The following SAFB2 variants were observed in gnomAD, a reference collection of about 807,000 sequenced individuals.
SAFB2 encodes the protein scaffold attachment factor B2.
Under a neutral mutation model 100.6 loss-of-function variants are expected in SAFB2, and 32 were observed. The observed-to-expected ratio is 0.32, with a 90% CI of 0.24 to 0.43. The LOEUF is 0.43. Ranked by LOEUF, SAFB2 falls within the 20% of genes least tolerant of loss-of-function variation. The pLI, the probability that SAFB2 is intolerant of heterozygous loss-of-function variation, is 1.00. For missense variants in SAFB2, 1,185 were observed against 1,163.4 expected (o/e 1.02, Z -0.27); for synonymous variants, 500 against 439.4 (o/e 1.14, Z -1.72).
At position 5,621,362 on chromosome 19, in the gene SAFB2, AT is replaced by A; in HGVS notation, c.220del (p.Ile74LeufsTer5). 6.2e-7 allele frequency: 1 copy of A among 1,613,878 alleles called. No individual in the cohort carries two copies. On this transcript the variant is annotated frameshift_variant, in exon 2 of 21. Transcript: ENST00000252542. LOFTEE classifies it high-confidence loss of function. ...GCTGGTGGCTTCTAACTCGATGCCA[AT>A]TTCATCAGGATCTTGCCCCTCTTCT... is the stretch of plus-strand genomic sequence containing the variant. ...VKEEGQDPDE[I>X]GIELEATSKK...
intron 15 of SAFB2, among the ~76,000 whole-genome samples, chr19:5,593,333 G>A (rs552923808): frequency 6.6e-6 from 1 of 152,326 alleles, no homozygotes; most frequent in East Asian, 1.9e-4. Flanking sequence ...ACACAGCTCT[G>A]GACGGCATCC....
At chr19:5,603,861 G>A (rs1182709439) in intron 11 of SAFB2, among the ~76,000 whole-genome samples, 1 of 152,226 alleles carries the variant, frequency 6.6e-6, no homozygotes, top group Admixed American at 6.5e-5. Context: ...TTTGGATGAT[G>A]CTTTATCTTT....
chr19:5,587,399 C>T lies in SAFB2; in HGVS notation c.2706G>A (p.Gly902=). ...GTCCACCTTGTGCAAAGCCGCCTCG[C>T]CTAGGAACAAAGTCAGACAATTTTT... ...GHMASRGGVA[G]RGGFAQGGHS... The change falls in exon 21 of 21, where the codon GGG becomes GGA. Residue 902 remains glycine, a splice_region_variant and synonymous_variant. Transcript: ENST00000252542. This position sits in a 1 kb window ranked among gnomAD's most constrained non-coding sequence, Gnocchi z 4.9. 1 of 1,609,798 alleles carries T rather than the reference C, an allele frequency of 6.2e-7. No individual in the cohort carries two copies.
chr19:5,617,550 C>G (rs1387378896), intron 2 of SAFB2, among the ~76,000 whole-genome samples: 1 of 152,146 alleles, frequency 6.6e-6, no homozygotes, highest in Non-Finnish European at 1.5e-5. Context: ...CTGTTAAACA[C>G]CCAAAAGGGA....
chr19:5,615,336 C>T (rs979271351), intron 4 of SAFB2, among the ~76,000 whole-genome samples: 43 of 152,200 alleles, frequency 2.8e-4, no homozygotes, highest in African/African-American at 1.0e-3. Flanking sequence ...GCCTGGGTGA[C>T]TGAGAGAGAC....
intron 11 of SAFB2, among the ~76,000 whole-genome samples, chr19:5,604,288 C>T (rs2052725824): frequency 6.6e-6 from 1 of 152,144 alleles, no homozygotes; most frequent in Non-Finnish European, 1.5e-5. Flanking sequence ...TGCAGTAGTC[C>T]CAGTTACTTG....
At chr19:5,611,880 G>A (rs532159777) in intron 6 of SAFB2, 23 of 643,530 alleles carry the variant, frequency 3.6e-5, no homozygotes, top group East Asian at 2.4e-4. Context: ...ACAACCACGC[G>A]GCTGGTTCTC....
At chr19:5,600,013 A>G (rs1027829380) in intron 12 of SAFB2, 117 bp downstream of exon 12, 8 of 1,046,936 alleles carry the variant, frequency 7.6e-6, no homozygotes, top group African/African-American at 4.8e-5. Context: ...ACACTGCCAT[A>G]TGAACAGCGA....
intron 7 of SAFB2, 103 bp downstream of exon 7, chr19:5,611,017 G>A (rs1306631616): frequency 1.5e-5 from 7 of 453,464 alleles, no homozygotes; most frequent in Non-Finnish European, 2.0e-5. Context: ...CTACAATTTC[G>A]TCAGTCTGGC....
intron 4 of SAFB2, chr19:5,613,739 C>G (rs971661560): frequency 2.0e-6 from 2 of 985,326 alleles, no homozygotes; most frequent in Admixed American, 1.2e-4. Flanking sequence ...CAGTGGCCTG[C>G]AGGTGGGTAT....
chr19:5,598,134 C>CA (rs11347497), intron 13 of SAFB2, among the ~76,000 whole-genome samples: 1,073 of 60,604 alleles, frequency 0.018, 15 homozygotes, highest in East Asian at 0.064. Context: ...GACTCCATCT[C>CA]AAAAAAAAAA....
In SAFB2 at chr19:5,610,706, T is replaced by A; in HGVS notation, c.1146-18A>T. Reference sequence around the variant, plus strand: ...TAAAAGAGCTAGAGACAAAAGTTAATGTTACTCATACAGGAAAAAAACGAA... The same window carrying A: ...TAAAAGAGCTAGAGACAAAAGTTAAAGTTACTCATACAGGAAAAAAACGAA... On this transcript the variant is annotated intron_variant, in intron 7 of 20. Coordinates refer to ENST00000252542, the MANE Select transcript of SAFB2 (RefSeq NM_014649.3). 6.6e-7 allele frequency: 1 copy of A among 1,506,046 alleles called. No individual in the cohort carries two copies. Among genetic ancestry groups the A allele is most frequent in the East Asian group, 2.3e-5 (1 of 44,052 alleles). The allele number at this position is 1,506,046 out of a possible 1,614,324, so 93.3% of individuals were successfully genotyped here. A position where few individuals can be genotyped will look rare whatever the true frequency, so the allele number is the denominator to read the frequency against.
intron 17 of SAFB2, 38 bp from the exon 18 acceptor site, chr19:5,590,446 G>A (rs777996419): frequency 3.8e-6 from 6 of 1,561,686 alleles, no homozygotes; most frequent in Admixed American, 1.8e-5. Flanking sequence ...CACTGACCAT[G>A]TCACCCACAT....
At chr19:5,618,146 C>T (rs1479508413) in intron 2 of SAFB2, among the ~76,000 whole-genome samples, 1 of 152,128 alleles carries the variant, frequency 6.6e-6, no homozygotes, top group Non-Finnish European at 1.5e-5. Context: ...CTCTAACATA[C>T]ACACCGATAA....
At chr19:5,606,218 C>T (rs754769559) in intron 9 of SAFB2, among the ~76,000 whole-genome samples, 14 of 152,240 alleles carry the variant, frequency 9.2e-5, no homozygotes, top group Non-Finnish European at 1.8e-4. Context: ...TTGGCCCTGC[C>T]TTAGTGTGTG....
At chr19:5,598,719 A>T in intron 13 of SAFB2, 74 bp downstream of exon 13, 1 of 1,376,752 alleles carries the variant, frequency 7.3e-7, no homozygotes, top group Non-Finnish European at 1.0e-6. Context: ...TGCTGTTTTC[A>T]TAATGCGGAT....
Position 5,616,114 on chromosome 19 carries a change from T to C in SAFB2, c.543+18A>G. 6.2e-7 allele frequency: 1 copy of C among 1,612,896 alleles called. No individual in the cohort carries two copies. Among genetic ancestry groups the C allele is most frequent in the Non-Finnish European group, 8.5e-7 (1 of 1,179,136 alleles). Reference sequence around the variant, plus strand: ...TCGGGGCTATGGGCACATCCTGCCGTGTCTCCAAGTTACCTACAGCATGCT... The same window carrying C: ...TCGGGGCTATGGGCACATCCTGCCGCGTCTCCAAGTTACCTACAGCATGCT... On this transcript the variant is annotated intron_variant, in intron 4 of 20. Transcript: ENST00000252542.
intron 4 of SAFB2, among the ~76,000 whole-genome samples, chr19:5,613,985 C>T (rs561941170): frequency 3.9e-5 from 6 of 152,334 alleles, no homozygotes; most frequent in Admixed American, 3.9e-4. Flanking sequence ...CGGAGTGTCA[C>T]TCCTTTTGCC....
In SAFB2 at chr19:5,598,883, T is replaced by C. The variant is rs375089678; in HGVS notation, c.1692A>G (p.Gly564=). Residue 564 remains glycine (G), a splice_region_variant and synonymous_variant, in exon 13 of 21, where the codon GGA becomes GGG. Coordinates refer to ENST00000252542, the MANE Select transcript of SAFB2 (RefSeq NM_014649.3). The part of the protein sequence containing the change: ...PTNRSRVTKS[G]SRGMERTVVM... ...CGACCGTCCGCTCCATTCCTCTGCT[T>C]CCTTCAGGAAAAAACACAACAAACT... The C allele has an allele frequency of 2.5e-6, 4 of 1,613,848 alleles. No individual in the cohort carries two copies. In the African/African-American group the frequency reaches 5.3e-5, roughly 22 times the overall value.
Sources: allele counts gnomAD v4.1 joint callset (sites outside exome capture counted in the v4.1 genomes callset), GRCh38; gene constraint gnomAD v4.1.1; non-coding constraint Gnocchi (gnomAD v3.1); transcripts MANE v1.5; gene names NCBI Gene and HGNC (gene_info 2026-07-23, HGNC 2026-07-21).